The following COLQ variants were observed in gnomAD, a reference collection of about 807,000 sequenced individuals.
COLQ encodes the protein collagen like tail subunit of asymmetric acetylcholinesterase.
A neutral mutation model predicts 69.0 loss-of-function variants in COLQ; 48 were observed. That is an observed-to-expected ratio of 0.70 (90% CI 0.55 to 0.88). The LOEUF is 0.88. Ranked by LOEUF, COLQ falls within the 40% of genes least tolerant of loss-of-function variation. The pLI, the probability that COLQ is intolerant of heterozygous loss-of-function variation, is 0.00. For synonymous variants in COLQ, 217 were observed against 211.2 expected (o/e 1.03, Z -0.24); for missense variants, 618 against 594.6 (o/e 1.04, Z -0.41).
At chr3:15,476,993 G>C in intron 6 of COLQ, 133 bp downstream of exon 6, 2 of 930,546 alleles carry the variant, frequency 2.1e-6, no homozygotes, top group Admixed American at 4.0e-5. Flanking sequence ...CCTGTGGCCA[G>C]TCCTTAAGCT....
At chr3:15,480,341 C>T (rs1324391850) in intron 3 of COLQ, among the ~76,000 whole-genome samples, 3 of 151,960 alleles carry the variant, frequency 2.0e-5, no homozygotes, top group Non-Finnish European at 4.4e-5. Context: ...CTCCCCCCAC[C>T]CCACGACAGG....
chr3:15,485,116 C>T (rs923336846), intron 3 of COLQ, among the ~76,000 whole-genome samples: 7 of 152,168 alleles, frequency 4.6e-5, no homozygotes, highest in African/African-American at 7.2e-5. Context: ...TTCCTTCTAA[C>T]AGTCAGGACC....
intron 1 of COLQ, among the ~76,000 whole-genome samples, chr3:15,512,749 A>G (rs2063004593): frequency 6.6e-6 from 1 of 152,268 alleles, no homozygotes; most frequent in Admixed American, 6.5e-5. Context: ...GCCAGGCACT[A>G]CTGAAAGTAC....
intron 1 of COLQ, among the ~76,000 whole-genome samples, chr3:15,508,577 T>C (rs919862582): frequency 2.0e-5 from 3 of 152,218 alleles, no homozygotes; most frequent in East Asian, 1.9e-4. Context: ...GTAATGGCCA[T>C]AATGAATCTA....
Position 15,451,343 on chromosome 3 carries a change from G to A in COLQ, c.*301C>T, listed in dbSNP as rs1027673727. 1.8e-6 allele frequency: 1 copy of A among 546,808 alleles called. No homozygotes were observed. Among genetic ancestry groups the A allele is most frequent in the African/African-American group, 1.9e-5 (1 of 53,054 alleles). The allele number at this position is 546,808 out of a possible 1,614,324, so 33.9% of individuals were successfully genotyped here. On this transcript the variant is annotated 3_prime_UTR_variant, in exon 17 of 17. Coordinates refer to ENST00000383788, the MANE Select transcript of COLQ (RefSeq NM_005677.4). ...TCAGCCAAGTCCACGGCCTGGGTCA[G>A]CAACATTCCAGAAGAGGAAGAGCAT... is the stretch of plus-strand genomic sequence containing the variant.
At chr3:15,474,565 T>C (rs905922996) in intron 8 of COLQ, among the ~76,000 whole-genome samples, 10 of 140,548 alleles carry the variant, frequency 7.1e-5, no homozygotes, top group South Asian at 2.3e-4. Context: ...GATTTGGTTT[T>C]TGGCCAGGTC....
At chr3:15,484,002 T>G (rs1398463906) in intron 3 of COLQ, among the ~76,000 whole-genome samples, 1 of 152,124 alleles carries the variant, frequency 6.6e-6, no homozygotes, top group Admixed American at 6.5e-5. Flanking sequence ...TTTGTTGGTT[T>G]AAAGTCTGTT....
intron 11 of COLQ, chr3:15,467,970 C>T (rs60811749): frequency 6.6e-6 from 3 of 456,730 alleles, no homozygotes; most frequent in Admixed American, 4.7e-5. Flanking sequence ...GGAGGGAGTT[C>T]TTAAGCCTCA....
In COLQ at chr3:15,466,254, G is replaced by A. The variant is rs3732722; in HGVS notation, c.814+87C>T. 0.45 allele frequency: 390,254 copies of A among 875,772 alleles called. 89,033 individuals are homozygous for A. Among genetic ancestry groups the A allele is most frequent in the East Asian group, 0.61 (25,024 of 40,894 alleles). The allele number at this position is 875,772 out of a possible 1,614,324, so 54.3% of individuals were successfully genotyped here. On this transcript the variant is annotated intron_variant, in intron 12 of 16. Coordinates refer to ENST00000383788, the MANE Select transcript of COLQ (RefSeq NM_005677.4). ...GGTAGTTTCTAACTTGAAACACAAG[G>A]CATCTCTGCTGGCATCTCCTTGTGC...
intron 1 of COLQ, among the ~76,000 whole-genome samples, chr3:15,490,398 AT>A (rs36105791): frequency 0.095 from 14,446 of 152,252 alleles, 945 homozygotes; most frequent in East Asian, 0.33. Flanking sequence ...AAGAAACAGC[AT>A]TCCCCAGTGC....
At chr3:15,477,708 A>G (rs533023851) in intron 5 of COLQ, 2 of 157,240 alleles carry the variant, frequency 1.3e-5, no homozygotes, top group South Asian at 3.7e-4. Flanking sequence ...AATTTATGTA[A>G]CTCTCCTTCC....
At chr3:15,467,779 T>G (rs1352215830) in intron 11 of COLQ, 1 of 440,768 alleles carries the variant, frequency 2.3e-6, no homozygotes, top group Admixed American at 2.5e-5. Flanking sequence ...TGATGAAATG[T>G]AATCTTCCTC....
intron 1 of COLQ, among the ~76,000 whole-genome samples, chr3:15,493,371 A>T (rs1307216089): frequency 2.0e-5 from 3 of 152,264 alleles, no homozygotes; most frequent in Non-Finnish European, 4.4e-5. Flanking sequence ...ACTGTCAGAA[A>T]GAGCTGGAGC....
At position 15,477,180 on chromosome 3, in the gene COLQ, TG is replaced by T; in HGVS notation, c.410del (p.Pro137GlnfsTer27). The T allele has an allele frequency of 6.2e-7, 1 of 1,606,366 alleles. No homozygotes were observed. The highest frequency in any genetic ancestry group is 1.3e-5 in the African/African-American group (1 of 74,978). On this transcript the variant is annotated frameshift_variant, in exon 6 of 17. Coordinates refer to ENST00000383788, the MANE Select transcript of COLQ (RefSeq NM_005677.4). LOFTEE classifies it high-confidence loss of function. ...RPGRKGRPGP[P>X]GVPGMPGPIG... ...TGGGCCCAGGCATGCCAGGAACACC[TG>T]GGGGGCCAGGTCTACCCTTCAAAGA...
chr3:15,465,736 C>T (rs2062190500), intron 12 of COLQ, among the ~76,000 whole-genome samples: 1 of 150,936 alleles, frequency 6.6e-6, no homozygotes, highest in Non-Finnish European at 1.5e-5. Context: ...GGGATTACAG[C>T]CGCGTGCCAC....
intron 16 of COLQ, 25 bp from the exon 17 acceptor site, chr3:15,451,738 A>C: frequency 6.2e-7 from 1 of 1,602,370 alleles, no homozygotes; most frequent in Non-Finnish European, 8.5e-7. Context: ...GACACGTTCT[A>C]AAAGGCCACC....
intron 14 of COLQ, 126 bp downstream of exon 14, chr3:15,456,334 G>T: frequency 2.3e-6 from 3 of 1,295,350 alleles, no homozygotes; most frequent in Non-Finnish European, 3.2e-6. Context: ...AGGATGCTCA[G>T]CCCTCCCATG....
At chr3:15,455,561 G>A (rs182884123) in intron 15 of COLQ, among the ~76,000 whole-genome samples, 1 of 152,188 alleles carries the variant, frequency 6.6e-6, no homozygotes, top group African/African-American at 2.4e-5. Flanking sequence ...TGCAAAGTGA[G>A]AGCCCATCAC....
chr3:15,458,810 T>C (rs1438710841), intron 12 of COLQ, among the ~76,000 whole-genome samples: 2 of 152,164 alleles, frequency 1.3e-5, no homozygotes, highest in Non-Finnish European at 2.9e-5. Context: ...TTAACTTTTA[T>C]TGTTTTAAAA....
Sources: gnomAD v4.1 joint callset for allele counts (sites outside exome capture counted in the v4.1 genomes callset) on GRCh38, gnomAD v4.1.1 for gene constraint, MANE v1.5 for transcripts, NCBI Gene and HGNC (gene_info 2026-07-23, HGNC 2026-07-21) for gene names.